The following RNF111 variants were observed in gnomAD, a reference collection of about 807,000 sequenced individuals.
RNF111 encodes E3 ubiquitin-protein ligase Arkadia.
In RNF111, 17 loss-of-function variants were observed where a neutral mutation model predicts 95.1. The ratio of observed to expected loss-of-function variants is 0.18; its 90% CI spans 0.12 to 0.27. The LOEUF is 0.27. RNF111 is among the 10% of genes least tolerant of loss of function. The probability of loss-of-function intolerance (pLI) is 1.00; values close to 1 mark genes in which losing one functional copy is unlikely to be tolerated. For missense variants in RNF111, 1,189 were observed against 1,210.4 expected (o/e 0.98, Z 0.26); for synonymous variants, 440 against 414.8 (o/e 1.06, Z -0.74).
In RNF111 at chr15:59,058,363, T is replaced by C; in HGVS notation, c.1179T>C (p.Thr393=). ...VDLTVDEDEP[T]VVPTTSARME... Reference sequence around the variant, plus strand: ...ACATTTTGTATTTTGTAGAACCTACTGTAGTACCAACCACTTCTGCAAGAA... The same window carrying C: ...ACATTTTGTATTTTGTAGAACCTACCGTAGTACCAACCACTTCTGCAAGAA... Residue 393 remains threonine, a synonymous_variant, in exon 5 of 14, where the codon ACT becomes ACC. Coordinates refer to ENST00000348370, the MANE Select transcript of RNF111 (RefSeq NM_017610.8). 1.2e-6 allele frequency: 2 copies of C among 1,613,952 alleles called. No individual in the cohort carries two copies. The highest frequency in any genetic ancestry group is 1.7e-6 in the Non-Finnish European group (2 of 1,179,802).
intron 13 of RNF111, chr15:59,093,309 T>G (rs2079104372): frequency 5.0e-6 from 2 of 396,682 alleles, no homozygotes; most frequent in Non-Finnish European, 9.7e-6. Flanking sequence ...GGATCCAGAT[T>G]AGTCCTATGC....
chr15:59,051,711 G>C (rs1379767907), intron 2 of RNF111, among the ~76,000 whole-genome samples: 1 of 151,914 alleles, frequency 6.6e-6, no homozygotes, highest in Non-Finnish European at 1.5e-5. Context: ...AGAGGAGGTT[G>C]CAGTAAGCCG....
chr15:59,031,613 A>T lies in RNF111; in HGVS notation c.791A>T (p.Glu264Val), dbSNP rs1156289989. 1.9e-6 allele frequency: 3 copies of T among 1,614,198 alleles called. No individual in the cohort carries two copies. Among genetic ancestry groups the T allele is most frequent in the Non-Finnish European group, 2.5e-6 (3 of 1,180,024 alleles). Reference sequence around the variant, plus strand: ...TCCAGTGAGAATGACCTCAGCAGTGAATCCTCTTCTAGCTCATCAACTGAA... The same window carrying T: ...TCCAGTGAGAATGACCTCAGCAGTGTATCCTCTTCTAGCTCATCAACTGAA... Reference protein sequence around the residue: ...SSSSENDLSSESSSSSSTEGE... With the variant: ...SSSSENDLSSVSSSSSSTEGE... The change falls in exon 2 of 14, where the codon GAA becomes GTA. Residue 264 changes from glutamate to valine, a missense_variant. Glu to Val is a moderately radical substitution (Grantham distance 121). This residue lies in a region of RNF111 where 1,024 missense variants were observed against 925.9 expected (regional missense o/e 1.11). Transcript: ENST00000348370.
At chr15:59,035,231 A>G (rs964045380) in intron 2 of RNF111, among the ~76,000 whole-genome samples, 2 of 152,208 alleles carry the variant, frequency 1.3e-5, no homozygotes, top group Non-Finnish European at 2.9e-5. Flanking sequence ...TTATAAGTCA[A>G]GGTGAGATTT....
intron 1 of RNF111, among the ~76,000 whole-genome samples, chr15:59,022,163 CTTCCTATAAAATATTTTGGAAATA>C (rs1315925750): frequency 6.6e-6 from 1 of 152,014 alleles, no homozygotes; most frequent in Non-Finnish European, 1.5e-5. Context: ...CCTGGCCAAG[CTTCCTATAAAATATTTTGGAAATA>C]TTTTATAAGA....
rs117199636 is a variant in RNF111, at chr15:59,062,422, C to G, written c.1366+3872C>G. ...CAGTCAGTTCAAACTCAATGTGCCACAAACAGCTCATTATCTGTCTGACCT... is the reference window on the plus strand; with the variant it reads ...CAGTCAGTTCAAACTCAATGTGCCAGAAACAGCTCATTATCTGTCTGACCT... On this transcript the variant is annotated intron_variant, in intron 5 of 13. Transcript: ENST00000348370. 9.2e-5 allele frequency among the ~76,000 whole-genome samples: 14 copies of G among 152,298 alleles called. No individual in the cohort carries two copies. In the East Asian group the frequency reaches 2.7e-3, roughly 29 times the overall value.
intron 1 of RNF111, among the ~76,000 whole-genome samples, chr15:59,010,466 A>G (rs1277311170): frequency 1.3e-5 from 2 of 151,852 alleles, no homozygotes. Flanking sequence ...CAGTGGTGTG[A>G]TCTCAGCTCA....
rs533105285 is a variant in RNF111, at chr15:59,093,230, C to T, written c.2843+590C>T. On this transcript the variant is annotated intron_variant, in intron 13 of 13. Transcript: ENST00000348370. Reference sequence around the variant, plus strand: ...TCAAAATTGTCTTCTGTAAATCTTGCAGAAATGAGAATTTGAGAGGCTTTG... The same window carrying T: ...TCAAAATTGTCTTCTGTAAATCTTGTAGAAATGAGAATTTGAGAGGCTTTG... Among the ~76,000 whole-genome samples, 7 of 151,666 alleles carry T rather than the reference C, an allele frequency of 4.6e-5. No homozygotes were observed. In the South Asian group the frequency reaches 1.5e-3, roughly 32 times the overall value.
intron 2 of RNF111, among the ~76,000 whole-genome samples, chr15:59,045,115 A>C (rs925421582): frequency 3.3e-5 from 5 of 151,632 alleles, no homozygotes; most frequent in African/African-American, 1.2e-4. Context: ...AGGTTTCAAA[A>C]TGTTACATAA....
intron 1 of RNF111, among the ~76,000 whole-genome samples, chr15:58,994,517 G>T (rs1319781580): frequency 1.2e-4 from 14 of 114,846 alleles, no homozygotes; most frequent in Non-Finnish European, 1.6e-4. Context: ...TCGCTGTGTT[G>T]CCCAGGCTGG....
chr15:59,050,942 A>T (rs1405316147), intron 2 of RNF111, among the ~76,000 whole-genome samples: 3 of 152,208 alleles, frequency 2.0e-5, no homozygotes, highest in Non-Finnish European at 2.9e-5. Context: ...AGATTTTTCA[A>T]TAAATGTTTT....
At chr15:59,034,305 T>A (rs1655865030) in intron 2 of RNF111, among the ~76,000 whole-genome samples, 2 of 152,236 alleles carry the variant, frequency 1.3e-5, no homozygotes, top group African/African-American at 4.8e-5. Context: ...TCTTAAGGAA[T>A]AATTACTGAA....
intron 5 of RNF111, among the ~76,000 whole-genome samples, chr15:59,061,131 G>A (rs147482410): frequency 4.6e-5 from 7 of 152,180 alleles, no homozygotes; most frequent in African/African-American, 1.7e-4. Flanking sequence ...CATTTTATGT[G>A]ATACAGTCCC....
intron 2 of RNF111, among the ~76,000 whole-genome samples, chr15:59,041,255 G>T (rs1294670260): frequency 6.6e-6 from 1 of 151,992 alleles, no homozygotes; most frequent in Non-Finnish European, 1.5e-5. Context: ...AAATAGCACT[G>T]CAATAAATAG....
chr15:59,014,972 G>C (rs2039999276), intron 1 of RNF111, among the ~76,000 whole-genome samples: 1 of 152,070 alleles, frequency 6.6e-6, no homozygotes, highest in Admixed American at 6.5e-5. Flanking sequence ...GGCTGGTCTT[G>C]TCCTGGCCTC....
At chr15:59,052,054 A>G (rs778248745) in intron 2 of RNF111, among the ~76,000 whole-genome samples, 39 of 152,188 alleles carry the variant, frequency 2.6e-4, no homozygotes, top group Admixed American at 1.0e-3. Flanking sequence ...ACCACTGAAC[A>G]TCTGTAATGA....
At chr15:59,073,341 C>T (rs942215253) in intron 6 of RNF111, among the ~76,000 whole-genome samples, 39 of 151,916 alleles carry the variant, frequency 2.6e-4, no homozygotes, top group South Asian at 8.3e-4. Flanking sequence ...AAATTAGGTG[C>T]GTGGTGGCAT....
chr15:59,077,973 G>A (rs1005525823), intron 7 of RNF111, among the ~76,000 whole-genome samples: 7 of 152,286 alleles, frequency 4.6e-5, no homozygotes, highest in East Asian at 1.9e-4. Context: ...TTTAGTTCAC[G>A]TGTGAAACAT....
At position 59,081,001 on chromosome 15, in the gene RNF111, C is replaced by A; in HGVS notation, c.2014C>A (p.Pro672Thr). 1 of 1,614,102 alleles carries A rather than the reference C, an allele frequency of 6.2e-7. No individual in the cohort carries two copies. The highest frequency in any genetic ancestry group is 8.5e-7 in the Non-Finnish European group (1 of 1,179,998). The change falls in exon 8 of 14, where the codon CCT becomes ACT. Residue 672 changes from proline to threonine, a missense_variant. By Grantham distance (38) the Pro-to-Thr change is conservative. This residue lies in a region of RNF111 where 1,024 missense variants were observed against 925.9 expected (regional missense o/e 1.11). Transcript: ENST00000348370. ...SACPHSHGNP[P>T]PQTQPPPQVD... ...CTGCCCGCATTCTCATGGAAACCCC[C>A]CTCCTCAGACTCAGCCTCCGCCTCA...
Sources: allele counts gnomAD v4.1 joint callset (sites outside exome capture counted in the v4.1 genomes callset), GRCh38; gene constraint gnomAD v4.1.1; regional missense constraint gnomAD v4.1.1; transcripts MANE v1.5; gene names NCBI Gene and HGNC (gene_info 2026-07-23, HGNC 2026-07-21).